The following MGAT4C variants were observed in gnomAD, a reference collection of about 807,000 sequenced individuals.
MGAT4C encodes MGAT4 family member C, also known as alpha-1,3-mannosyl-glycoprotein 4-beta-N-acetylglucosaminyltransferase C.
Under a neutral mutation model 40.1 loss-of-function variants are expected in MGAT4C, and 19 were observed. The ratio of observed to expected loss-of-function variants is 0.47; its 90% CI spans 0.33 to 0.70. The LOEUF (loss-of-function observed/expected upper bound fraction) is 0.70. Among genes scored for constraint, MGAT4C ranks in the 30% least tolerant of loss-of-function variants. The pLI, the probability that MGAT4C is intolerant of heterozygous loss-of-function variation, is 0.02. For missense variants in MGAT4C, 491 were observed against 563.2 expected (o/e 0.87, Z 1.30); for synonymous variants, 181 against 187.1 (o/e 0.97, Z 0.27).
intron 2 of MGAT4C, among the ~76,000 whole-genome samples, chr12:86,539,195 C>T (rs961425851): frequency 2.0e-5 from 3 of 150,298 alleles, no homozygotes; most frequent in African/African-American, 7.4e-5. Context: ...CCACTACAGG[C>T]TCCGGTGTAT....
chr12:86,100,087 TTA>T (rs2307555), intron 1 of MGAT4C, among the ~76,000 whole-genome samples: 85,268 of 150,832 alleles, frequency 0.57, 24,510 homozygotes, highest in South Asian at 0.72. Context: ...TTTATTATCT[TTA>T]TGTTTAATCT....
intron 1 of MGAT4C, among the ~76,000 whole-genome samples, chr12:86,114,198 C>T (rs2135656724): frequency 6.6e-6 from 1 of 151,944 alleles, no homozygotes; most frequent in East Asian, 1.9e-4. Context: ...GTCGTCCCTT[C>T]TCTGGCCTCA....
chr12:86,011,863 A>G (rs1168480608), intron 2 of MGAT4C: 14 of 985,080 alleles, frequency 1.4e-5, no homozygotes, highest in Non-Finnish European at 1.4e-5. Flanking sequence ...CCAGGTGAGC[A>G]CACCCTGATA....
intron 3 of MGAT4C, among the ~76,000 whole-genome samples, chr12:86,350,784 A>G (rs1955139715): frequency 6.6e-6 from 1 of 152,128 alleles, no homozygotes; most frequent in African/African-American, 2.4e-5. Flanking sequence ...ATATTTTACA[A>G]TAGACTGAAA....
chr12:86,181,204 C>T (rs1367811842), intron 1 of MGAT4C, among the ~76,000 whole-genome samples: 2 of 152,198 alleles, frequency 1.3e-5, no homozygotes, highest in African/African-American at 4.8e-5. Flanking sequence ...ATTCTGAGGC[C>T]TCCCCAGCCA....
At chr12:86,455,137 T>C (rs1957489313) in intron 2 of MGAT4C, among the ~76,000 whole-genome samples, 1 of 152,054 alleles carries the variant, frequency 6.6e-6, no homozygotes, top group Non-Finnish European at 1.5e-5. Flanking sequence ...TAGGAAAAAA[T>C]GTGGGTAGTG....
At chr12:86,216,093 T>C (rs1950660853) in intron 1 of MGAT4C, among the ~76,000 whole-genome samples, 1 of 152,180 alleles carries the variant, frequency 6.6e-6, no homozygotes. Context: ...GACTCCATTT[T>C]CTGGGATACT....
chr12:86,147,155 C>G (rs1275759614), intron 1 of MGAT4C, among the ~76,000 whole-genome samples: 1 of 152,070 alleles, frequency 6.6e-6, no homozygotes, highest in African/African-American at 2.4e-5. Context: ...ATGTGTTGGA[C>G]CCATATATGT....
chr12:86,710,748 G>A (rs1258444450), intron 2 of MGAT4C, among the ~76,000 whole-genome samples: 1 of 152,132 alleles, frequency 6.6e-6, no homozygotes, highest in Non-Finnish European at 1.5e-5. Flanking sequence ...AATGTTTATA[G>A]CAGCACAATT....
Position 85,993,489 on chromosome 12 carries a change from A to C in MGAT4C, c.-6-3937T>G, listed in dbSNP as rs138854117. Among the ~76,000 whole-genome samples the C allele has an allele frequency of 7.8e-3, 1,190 of 152,306 alleles. 10 individuals are homozygous for C. The highest frequency in any genetic ancestry group is 0.034 in the Middle Eastern group (10 of 294). On this transcript the variant is annotated intron_variant, in intron 2 of 4. Transcript: ENST00000611864. ...GCCTCTCAACTGCACTGAGCTATCC[A>C]TGGTAGACCAGGGATTGGATGGGAG...
chr12:86,549,348 C>A (rs1489460591), intron 2 of MGAT4C, among the ~76,000 whole-genome samples: 1 of 152,076 alleles, frequency 6.6e-6, no homozygotes, highest in Non-Finnish European at 1.5e-5. Context: ...CAGAAAGATT[C>A]TATAAAGTTG....
chr12:86,246,179 C>CTTTTTTTTTTTTTTTTT, intron 1 of MGAT4C, among the ~76,000 whole-genome samples: 1 of 70,122 alleles, frequency 1.4e-5, no homozygotes, highest in Non-Finnish European at 2.5e-5. Context: ...TGTACCATTG[C>CTTTTTTTTTTTTTTTTT]TTTTTTTTTT....
chr12:86,566,665 G>A (rs566262879), intron 2 of MGAT4C, among the ~76,000 whole-genome samples: 5 of 141,312 alleles, frequency 3.5e-5, no homozygotes, highest in African/African-American at 1.3e-4. Flanking sequence ...GTATGTATAT[G>A]TATGTATAAT....
chr12:86,387,631 G>T (rs1442256014), intron 3 of MGAT4C, among the ~76,000 whole-genome samples: 2 of 152,066 alleles, frequency 1.3e-5, no homozygotes, highest in East Asian at 3.9e-4. Flanking sequence ...TTGTCAATCG[G>T]TTATTTTATC....
Position 86,416,045 on chromosome 12 carries a change from G to A in MGAT4C, c.-120+19112C>T, listed in dbSNP as rs150064184. ...AATAGGCTTATATAAAATACATTTC[G>A]AACATTTGTGTATAGAGGGATATAT... On this transcript the variant is annotated intron_variant, in intron 3 of 7. Transcript: ENST00000548651. Among the ~76,000 whole-genome samples the A allele has an allele frequency of 3.3e-3, 506 of 152,030 alleles. 3 individuals are homozygous for A. Among genetic ancestry groups the A allele is most frequent in the African/African-American group, 0.012 (479 of 41,524 alleles).
chr12:86,396,382 T>G (rs1249747075), intron 3 of MGAT4C, among the ~76,000 whole-genome samples: 1 of 152,096 alleles, frequency 6.6e-6, no homozygotes, highest in Non-Finnish European at 1.5e-5. Flanking sequence ...ATCAAGGAAT[T>G]TTTTTGCACA....
intron 2 of MGAT4C, among the ~76,000 whole-genome samples, chr12:86,026,975 CTATT>C (rs1565878792): frequency 6.6e-6 from 1 of 151,940 alleles, no homozygotes; most frequent in Non-Finnish European, 1.5e-5. Flanking sequence ...ATGTTGCAAT[CTATT>C]TGGATTTCAT....
intron 3 of MGAT4C, among the ~76,000 whole-genome samples, chr12:86,373,298 C>T (rs2136213169): frequency 6.6e-6 from 1 of 152,078 alleles, no homozygotes; most frequent in South Asian, 2.1e-4. Flanking sequence ...ACCCTTTAAA[C>T]TTTGTTTAAC....
chr12:86,459,200 T>A (rs2136293801), intron 2 of MGAT4C, among the ~76,000 whole-genome samples: 1 of 152,284 alleles, frequency 6.6e-6, no homozygotes, highest in African/African-American at 2.4e-5. Context: ...GCTATCTTTA[T>A]TAGCATAACA....
Sources: allele counts gnomAD v4.1 joint callset (sites outside exome capture counted in the v4.1 genomes callset), GRCh38; gene constraint gnomAD v4.1.1; transcripts MANE v1.5; gene names NCBI Gene and HGNC (gene_info 2026-07-23, HGNC 2026-07-21).